CMIP: variants seen among roughly 807,000 people sequenced by gnomAD.
The protein encoded by CMIP is C-Maf-inducing protein.
A neutral mutation model predicts 97.3 loss-of-function variants in CMIP; 13 were observed. That is an observed-to-expected ratio of 0.13 (90% CI 0.09 to 0.21). CMIP has a LOEUF of 0.21. Ranked by LOEUF, CMIP falls within the 10% of genes least tolerant of loss-of-function variation. The probability of loss-of-function intolerance (pLI) is 1.00; values close to 1 mark genes in which losing one functional copy is unlikely to be tolerated. For synonymous variants in CMIP, 538 were observed against 436.3 expected (o/e 1.23, Z -2.91); for missense variants, 847 against 1,024.9 (o/e 0.83, Z 2.37).
At chr16:81,670,333 G>A (rs946296343) in intron 8 of CMIP, 88 bp downstream of exon 8, 36 of 1,380,208 alleles carry the variant, frequency 2.6e-5, no homozygotes, top group East Asian at 7.6e-5. Context: ...GGGGGCTGTC[G>A]TGTAATTAAA....
At chr16:81,624,081 T>A (rs946129233) in intron 3 of CMIP, among the ~76,000 whole-genome samples, 4 of 152,094 alleles carry the variant, frequency 2.6e-5, no homozygotes, top group Non-Finnish European at 5.9e-5. Flanking sequence ...GAGGTTTTTC[T>A]TTTTCTTTTC....
intron 2 of CMIP, among the ~76,000 whole-genome samples, chr16:81,612,440 G>A (rs1231266472): frequency 6.6e-6 from 1 of 152,152 alleles, no homozygotes; most frequent in East Asian, 1.9e-4. Context: ...GGACGGGGTG[G>A]GTTCCTTTCT....
At chr16:81,519,506 A>C (rs931048624) in intron 1 of CMIP, 1 of 152,198 alleles carries the variant, frequency 6.6e-6, no homozygotes, top group Non-Finnish European at 1.5e-5. Flanking sequence ...CCCATGCCCC[A>C]GGGCAGTCCA....
intron 1 of CMIP, among the ~76,000 whole-genome samples, chr16:81,461,112 T>C (rs954798131): frequency 6.6e-6 from 1 of 152,152 alleles, no homozygotes; most frequent in Admixed American, 6.5e-5. Flanking sequence ...AACCCATTGT[T>C]CTGCAGCTTC....
intron 1 of CMIP, among the ~76,000 whole-genome samples, chr16:81,455,141 C>T (rs575848713): frequency 6.6e-6 from 1 of 152,230 alleles, no homozygotes; most frequent in South Asian, 2.1e-4. Context: ...AGACTAAGGA[C>T]TGGCCGGCCA....
chr16:81,504,683 A>C (rs1325202714), intron 1 of CMIP, among the ~76,000 whole-genome samples: 3 of 151,580 alleles, frequency 2.0e-5, no homozygotes, highest in South Asian at 2.1e-4. Context: ...AAAAGAAAAA[A>C]TGGCCGGTGG....
rs1234537865 is a variant in CMIP at position 81,445,174 on chromosome 16, G to A, written c.-68G>A. ...GGGGTGCGGGCCGCCGGATCCGGGG[G>A]CCCCGCCGCCCCAGCAGCCCAGGAC... is the stretch of plus-strand genomic sequence containing the variant. On this transcript the variant is annotated 5_prime_UTR_variant, in exon 1 of 21. Coordinates refer to ENST00000537098, the MANE Select transcript of CMIP (RefSeq NM_198390.3). The A allele has an allele frequency of 3.8e-6, 4 of 1,048,462 alleles. No homozygotes were observed. The African/African-American group carries it at 5.2e-5, about 14-fold the overall frequency. The allele number at this position is 1,048,462 out of a possible 1,614,324, so 64.9% of individuals were successfully genotyped here.
At chr16:81,588,458 A>G (rs1165290155) in intron 1 of CMIP, among the ~76,000 whole-genome samples, 2 of 152,060 alleles carry the variant, frequency 1.3e-5, no homozygotes, top group East Asian at 1.9e-4. Flanking sequence ...GCCACCGTCC[A>G]TTGACCTCGT....
rs548854207 is a variant in CMIP, at chr16:81,550,950, A to G, written c.301-56617A>G. Among the ~76,000 whole-genome samples the G allele has an allele frequency of 3.1e-3, 365 of 119,362 alleles. 2 individuals are homozygous for G. The highest frequency in any genetic ancestry group is 0.011 in the African/African-American group (329 of 29,242). The allele number at this position is 119,362 out of a possible 152,430, so 78.3% of individuals were successfully genotyped here. A position where few individuals can be genotyped will look rare whatever the true frequency, so the allele number is the denominator to read the frequency against. ...CACATATATCCCAGTTCCGTCACACACACCCCAGTCCCGTCACACGCACCC... is the reference window on the plus strand; with the variant it reads ...CACATATATCCCAGTTCCGTCACACGCACCCCAGTCCCGTCACACGCACCC... On this transcript the variant is annotated intron_variant, in intron 1 of 20. Transcript: ENST00000537098.
chr16:81,586,706 C>T (rs1399610354), intron 1 of CMIP, among the ~76,000 whole-genome samples: 2 of 152,164 alleles, frequency 1.3e-5, no homozygotes, highest in Non-Finnish European at 2.9e-5. Flanking sequence ...AGTATTCGTC[C>T]CACTTTCCCT....
chr16:81,646,256 A>T (rs370741562), intron 3 of CMIP, among the ~76,000 whole-genome samples: 7 of 121,552 alleles, frequency 5.8e-5, no homozygotes, highest in Admixed American at 9.4e-5. Flanking sequence ...GGGTGGATGG[A>T]TGGATGGATG....
chr16:81,560,321 C>G, intron 1 of CMIP, among the ~76,000 whole-genome samples: 1 of 151,468 alleles, frequency 6.6e-6, no homozygotes. Flanking sequence ...CGGGTTCACG[C>G]CATTCTCCTG....
chr16:81,566,057 G>A (rs185352476), intron 1 of CMIP, among the ~76,000 whole-genome samples: 5 of 152,346 alleles, frequency 3.3e-5, no homozygotes, highest in Admixed American at 2.6e-4. Context: ...ATTGGGCAGC[G>A]GGGGACCTGG....
chr16:81,557,551 AAAATAAAAAT>A (rs2090789824), intron 1 of CMIP, among the ~76,000 whole-genome samples: 1 of 152,248 alleles, frequency 6.6e-6, no homozygotes, highest in Non-Finnish European at 1.5e-5. Context: ...ATCCAAAAAT[AAAATAAAAAT>A]AAATAAAAAT....
intron 1 of CMIP, among the ~76,000 whole-genome samples, chr16:81,468,621 G>T (rs1010938089): frequency 1.3e-5 from 2 of 152,242 alleles, no homozygotes; most frequent in East Asian, 1.9e-4. Flanking sequence ...TTGTGCTAAG[G>T]GTTGGGAGTG....
intron 1 of CMIP, among the ~76,000 whole-genome samples, chr16:81,455,909 G>A (rs922738839): frequency 2.0e-5 from 3 of 152,216 alleles, no homozygotes; most frequent in Non-Finnish European, 4.4e-5. Context: ...GGACCTCAGG[G>A]CCAGGGACAC....
intron 1 of CMIP, among the ~76,000 whole-genome samples, chr16:81,595,423 C>T (rs1247217815): frequency 2.1e-5 from 3 of 142,782 alleles, no homozygotes; most frequent in East Asian, 4.1e-4. Context: ...GAGTCTTGCT[C>T]TGTTGCCCAG....
intron 4 of CMIP, among the ~76,000 whole-genome samples, chr16:81,653,249 G>A (rs565835441): frequency 2.0e-5 from 3 of 152,074 alleles, no homozygotes; most frequent in South Asian, 4.2e-4. Context: ...TGATACCCCC[G>A]GTCCTGAGTC....
rs141329711 is a variant in CMIP at position 81,622,603 on chromosome 16, C to T, written c.477+1677C>T. Among the ~76,000 whole-genome samples, 34 of 152,158 alleles carry T rather than the reference C, an allele frequency of 2.2e-4. No homozygotes were observed. The East Asian group carries it at 2.3e-3, about 10-fold the overall frequency. ...TTGCATTTTCTCTTAGCTCAGGACA[C>T]GGCAGAATGTACTTGGAGACACACT... On this transcript the variant is annotated intron_variant, in intron 3 of 20. Transcript: ENST00000537098.
Sources: allele counts gnomAD v4.1 joint callset (sites outside exome capture counted in the v4.1 genomes callset), GRCh38; gene constraint gnomAD v4.1.1; transcripts MANE v1.5; gene names NCBI Gene and HGNC (gene_info 2026-07-23, HGNC 2026-07-21).